CAMK2G: variants seen among roughly 807,000 people sequenced by gnomAD.
CAMK2G encodes calcium/calmodulin dependent protein kinase II gamma.
A neutral mutation model predicts 88.7 loss-of-function variants in CAMK2G; 23 were observed. That is an observed-to-expected ratio of 0.26 (90% confidence interval 0.19 to 0.37). The LOEUF (loss-of-function observed/expected upper bound fraction) is 0.37. Among genes scored for constraint, CAMK2G ranks in the 10% least tolerant of loss-of-function variants. The pLI is 1.00. For synonymous variants in CAMK2G, 263 were observed against 294.8 expected (o/e 0.89, Z 1.11); for missense variants, 476 against 780.8 (o/e 0.61, Z 4.65).
At chr10:73,831,344 C>A (rs966140761) in intron 14 of CAMK2G, among the ~76,000 whole-genome samples, 2 of 151,662 alleles carry the variant, frequency 1.3e-5, no homozygotes, top group African/African-American at 4.8e-5. Context: ...TCGAGACCAG[C>A]CTGGCCAACA....
At chr10:73,834,450 C>A (rs973363833) in intron 14 of CAMK2G, among the ~76,000 whole-genome samples, 1 of 152,124 alleles carries the variant, frequency 6.6e-6, no homozygotes, top group South Asian at 2.1e-4. Flanking sequence ...GGCTAGGTTC[C>A]CCACGCACGT....
In CAMK2G at chr10:73,839,637, G is replaced by A. The variant is rs371595451; in HGVS notation, c.947-36C>T. 114 of 1,184,148 alleles carry A rather than the reference G, an allele frequency of 9.6e-5. 1 individual carries two copies. The Middle Eastern group carries it at 1.1e-3, about 11-fold the overall frequency. 73.4% of individuals were successfully genotyped at this position (1,184,148 alleles called of 1,614,324 possible). A position where few individuals can be genotyped will look rare whatever the true frequency, so the allele number is the denominator to read the frequency against. ...ACAGTCTCTCAGTGCACAGAGCCCC[G>A]CAAAGCCACGGGGCCGTCAGCAGCG... On this transcript the variant is annotated intron_variant, in intron 12 of 22. Coordinates refer to ENST00000423381, the MANE Select transcript of CAMK2G (RefSeq NM_001367534.1). This position sits in a 1 kb window ranked among gnomAD's most constrained non-coding sequence, Gnocchi z 4.2.
chr10:73,834,279 C>T (rs2092931233), intron 14 of CAMK2G, among the ~76,000 whole-genome samples: 1 of 152,196 alleles, frequency 6.6e-6, no homozygotes, highest in Non-Finnish European at 1.5e-5. Context: ...ATATTAACCC[C>T]TCCCATCACA....
intron 20 of CAMK2G, 90 bp from the exon 21 acceptor site, chr10:73,817,207 AG>A (rs2085931367): frequency 6.6e-7 from 1 of 1,513,322 alleles, no homozygotes; most frequent in Middle Eastern, 2.3e-4. Flanking sequence ...CAGTAGCAGC[AG>A]GCTACCTGTG....
chr10:73,837,059 A>G (rs1315641584), intron 14 of CAMK2G: 2 of 235,056 alleles, frequency 8.5e-6, no homozygotes, highest in African/African-American at 2.2e-5. Context: ...TCCAAGCCCT[A>G]TACCCTGCCT....
intron 21 of CAMK2G, 126 bp from the exon 22 acceptor site, chr10:73,815,373 C>CT (rs1438303799): frequency 1.5e-5 from 10 of 656,520 alleles, no homozygotes; most frequent in South Asian, 9.3e-5. Flanking sequence ...AGTACCGCCC[C>CT]CCCCCACCCC....
intron 3 of CAMK2G, 86 bp downstream of exon 3, chr10:73,860,744 G>C: frequency 1.0e-6 from 1 of 964,578 alleles, no homozygotes; most frequent in Non-Finnish European, 1.7e-6. Flanking sequence ...CACAGACAGA[G>C]GTGATCCCAC....
rs973065630 is a variant in CAMK2G, at chr10:73,824,974, C to T, written c.1155+305G>A. ...CTAAGCAACTCACCTTCCCAGCCCC[C>T]ACAGCAGACCCACTAGGGGTCCTGG... On this transcript the variant is annotated intron_variant, in intron 16 of 22. Coordinates refer to ENST00000423381, the MANE Select transcript of CAMK2G (RefSeq NM_001367534.1). Among the ~76,000 whole-genome samples, 5 of 152,226 alleles carry T rather than the reference C, an allele frequency of 3.3e-5. No homozygotes were observed. The East Asian group carries it at 9.6e-4, about 29-fold the overall frequency.
At chr10:73,857,676 CAG>C (rs1190852099) in intron 3 of CAMK2G, among the ~76,000 whole-genome samples, 2 of 152,178 alleles carry the variant, frequency 1.3e-5, no homozygotes, top group Non-Finnish European at 1.5e-5. Context: ...CGAAGGAAGA[CAG>C]AGTCTATTCA....
chr10:73,815,659 G>C (rs1285905634), intron 21 of CAMK2G, among the ~76,000 whole-genome samples: 4 of 152,174 alleles, frequency 2.6e-5, no homozygotes, highest in Non-Finnish European at 5.9e-5. Flanking sequence ...TTTCTATTCT[G>C]TTAGGCTGAG....
Position 73,828,090 on chromosome 10 carries a change from A to G in CAMK2G, c.1085T>C (p.Met362Thr), listed in dbSNP as rs1314087925. 5.6e-6 allele frequency: 9 copies of G among 1,613,408 alleles called. No individual in the cohort carries two copies. The highest frequency in any genetic ancestry group is 7.6e-6 in the Non-Finnish European group (9 of 1,179,426). The change falls in exon 15 of 23, where the codon ATG becomes ACG. Residue 362 changes from methionine to threonine, a missense_variant and splice_region_variant. Transcript: ENST00000423381. ...KRKSSSSVHL[M>T]PQSNNKNSLV... The stretch of plus-strand genomic sequence containing the variant: ...GATGGGTGGGCAGGCAAGGCTCACC[A>G]TTAGGTGCACGCTGGAACTCGACTT...
intron 19 of CAMK2G, 199 bp from the exon 20 acceptor site, chr10:73,817,753 A>C: frequency 1.7e-6 from 1 of 576,488 alleles, no homozygotes; most frequent in Non-Finnish European, 3.1e-6. Flanking sequence ...GACAATGACC[A>C]CTTTCTCCTG....
intron 14 of CAMK2G, among the ~76,000 whole-genome samples, chr10:73,829,878 G>C (rs920911421): frequency 6.6e-6 from 1 of 152,092 alleles, no homozygotes; most frequent in African/African-American, 2.4e-5. Flanking sequence ...AGTTGAGCTG[G>C]GTTTGCTGAC....
intron 5 of CAMK2G, 49 bp downstream of exon 5, chr10:73,852,205 C>T (rs375256445): frequency 1.8e-5 from 27 of 1,466,670 alleles, no homozygotes; most frequent in Non-Finnish European, 2.5e-5. Context: ...AGACTTCCTT[C>T]AGTCCTAAAC....
At position 73,849,247 on chromosome 10, in the gene CAMK2G, A is replaced by C. The variant is rs1214572926; in HGVS notation, c.414+14T>G. On this transcript the variant is annotated intron_variant, in intron 6 of 22. Coordinates refer to ENST00000423381, the MANE Select transcript of CAMK2G (RefSeq NM_001367534.1). ...CTTCATGAGCAGAGGCACGGAGGGG[A>C]GCCTGGGTAGTACCTTCAGGTCCCT... 6.8e-6 allele frequency: 11 copies of C among 1,609,584 alleles called. No homozygotes were observed. The highest frequency in any genetic ancestry group is 6.7e-5 in the East Asian group (3 of 44,866).
In CAMK2G at chr10:73,842,037, A is replaced by T; in HGVS notation, c.946+132T>A. 1.3e-6 allele frequency: 1 copy of T among 748,790 alleles called. No individual in the cohort carries two copies. The highest frequency in any genetic ancestry group is 2.4e-6 in the Non-Finnish European group (1 of 410,806). The allele number at this position is 748,790 out of a possible 1,614,324, so 46.4% of individuals were successfully genotyped here. On this transcript the variant is annotated intron_variant, in intron 12 of 22. Transcript: ENST00000423381. The surrounding 1 kb of genome is among the most constrained non-coding windows in gnomAD (Gnocchi z 4.6). ...AGCAGCAGCAGCAGCCCCTCAAAAC[A>T]GGATCCTCACTCGCCCTGGTCAAGG...
intron 21 of CAMK2G, among the ~76,000 whole-genome samples, 184 bp from the exon 22 acceptor site, chr10:73,815,431 T>G (rs968120896): frequency 1.1e-4 from 16 of 145,698 alleles, no homozygotes; most frequent in African/African-American, 4.0e-4. Flanking sequence ...ATTACATTAG[T>G]CTCCTTTATC....
At chr10:73,837,343 C>G in intron 14 of CAMK2G, 125 bp downstream of exon 14, 1 of 816,934 alleles carries the variant, frequency 1.2e-6, no homozygotes. Flanking sequence ...ACAAAGGCAT[C>G]TGGTTTAAAG....
intron 14 of CAMK2G, among the ~76,000 whole-genome samples, chr10:73,834,196 G>A (rs1402045524): frequency 6.6e-6 from 1 of 152,020 alleles, no homozygotes; most frequent in Non-Finnish European, 1.5e-5. Flanking sequence ...GGGATTACAG[G>A]CGTGAGCCAC....
Sources: allele counts gnomAD v4.1 joint callset (sites outside exome capture counted in the v4.1 genomes callset), GRCh38; gene constraint gnomAD v4.1.1; non-coding constraint Gnocchi (gnomAD v3.1); transcripts MANE v1.5; gene names NCBI Gene and HGNC (gene_info 2026-07-23, HGNC 2026-07-21).